The following NTM variants were observed in gnomAD, a reference collection of about 807,000 sequenced individuals.
NTM encodes neurotrimin.
NTM carries 13 observed loss-of-function variants against 42.1 expected under a neutral mutation model. The ratio of observed to expected loss-of-function variants is 0.31; its 90% CI spans 0.20 to 0.49. The LOEUF is 0.49. Ranked by LOEUF, NTM falls within the 20% of genes least tolerant of loss-of-function variation. The pLI is 0.99. For missense variants in NTM, 373 were observed against 452.8 expected (o/e 0.82, Z 1.60); for synonymous variants, 187 against 179.2 (o/e 1.04, Z -0.35).
intron 4 of NTM, among the ~76,000 whole-genome samples, chr11:132,242,734 A>C (rs1000417757): frequency 2.0e-5 from 3 of 152,178 alleles, no homozygotes; most frequent in African/African-American, 7.2e-5. Flanking sequence ...AGCTGTGCAA[A>C]CTAATTAGAC....
At chr11:131,911,327 A>G in intron 1 of NTM, 1 of 1,473,676 alleles carries the variant, frequency 6.8e-7, no homozygotes, top group East Asian at 2.5e-5. Flanking sequence ...GACTCGGAGG[A>G]GTCTGCGCGC....
chr11:132,315,681 T>C (rs958780088), intron 7 of NTM, among the ~76,000 whole-genome samples: 1 of 152,202 alleles, frequency 6.6e-6, no homozygotes, highest in Non-Finnish European at 1.5e-5. Context: ...CCCTCGGTGC[T>C]AGCGTATGTG....
intron 1 of NTM, among the ~76,000 whole-genome samples, chr11:131,563,579 CTT>C (rs71911433): frequency 2.6e-4 from 23 of 88,766 alleles, no homozygotes; most frequent in African/African-American, 4.1e-4. Context: ...GCTCCAGACA[CTT>C]TTTTTTTTTT....
chr11:131,950,525 ATCCT>A (rs1243252751), intron 2 of NTM, among the ~76,000 whole-genome samples: 1 of 151,902 alleles, frequency 6.6e-6, no homozygotes, highest in Non-Finnish European at 1.5e-5. Context: ...TTTCACCCTC[ATCCT>A]TCCTTTGCAC....
At chr11:132,041,878 A>G (rs189771750) in intron 2 of NTM, among the ~76,000 whole-genome samples, 1 of 152,334 alleles carries the variant, frequency 6.6e-6, no homozygotes, top group Admixed American at 6.5e-5. Flanking sequence ...TGGGGAGAAT[A>G]CCTGTCATAT....
chr11:132,069,017 G>A (rs1223917987), intron 2 of NTM, among the ~76,000 whole-genome samples: 2 of 152,228 alleles, frequency 1.3e-5, no homozygotes, highest in African/African-American at 4.8e-5. Flanking sequence ...GACTAACTGG[G>A]CATTGCAGCC....
chr11:131,719,876 T>C (rs1217444605), intron 1 of NTM, among the ~76,000 whole-genome samples: 1 of 152,132 alleles, frequency 6.6e-6, no homozygotes, highest in African/African-American at 2.4e-5. Flanking sequence ...TGGAGATAAT[T>C]GGAAATTACT....
rs138337115 is a variant in NTM, at chr11:131,952,516, T to A, written c.167+40868T>A. ...GCATTTTAATTTTTTATTTACACAC[T>A]CTCTCTCTCAGCTATCCCTTAGTGG... On this transcript the variant is annotated intron_variant, in intron 2 of 8. Transcript: ENST00000683400. 2.8e-4 allele frequency among the ~76,000 whole-genome samples: 43 copies of A among 152,238 alleles called. No individual in the cohort carries two copies. In the East Asian group the frequency reaches 7.5e-3, roughly 27 times the overall value.
intron 1 of NTM, among the ~76,000 whole-genome samples, chr11:131,845,070 G>A (rs908609007): frequency 6.6e-6 from 1 of 152,022 alleles, no homozygotes; most frequent in African/African-American, 2.4e-5. Flanking sequence ...CTATTAAATA[G>A]GAAATTTGCC....
At chr11:131,881,295 C>A (rs1168021088) in intron 1 of NTM, among the ~76,000 whole-genome samples, 1 of 152,154 alleles carries the variant, frequency 6.6e-6, no homozygotes, top group African/African-American at 2.4e-5. Flanking sequence ...CCTTACCACC[C>A]TCCTCTCAAC....
chr11:132,022,715 C>T (rs1378663490), intron 2 of NTM, among the ~76,000 whole-genome samples: 1 of 152,198 alleles, frequency 6.6e-6, no homozygotes, highest in Non-Finnish European at 1.5e-5. Context: ...AGCTTTATCC[C>T]TGAAGTTGTC....
At chr11:131,778,076 C>A (rs2087373809) in intron 1 of NTM, among the ~76,000 whole-genome samples, 1 of 152,188 alleles carries the variant, frequency 6.6e-6, no homozygotes, top group Non-Finnish European at 1.5e-5. Context: ...ACTGTCACAG[C>A]TCAGAAGTTT....
chr11:131,380,880 C>T (rs1290054384), intron 1 of NTM, among the ~76,000 whole-genome samples: 3 of 152,218 alleles, frequency 2.0e-5, no homozygotes, highest in Admixed American at 2.0e-4. Flanking sequence ...TCAGAACTTA[C>T]CCTTTCTATT....
intron 1 of NTM, among the ~76,000 whole-genome samples, chr11:131,547,987 G>A (rs963809719): frequency 1.8e-4 from 27 of 152,282 alleles, no homozygotes; most frequent in Admixed American, 4.6e-4. Flanking sequence ...AAGAAGAGCA[G>A]GAACTTGCAA....
intron 1 of NTM, among the ~76,000 whole-genome samples, chr11:131,373,924 C>T (rs892674715): frequency 1.3e-5 from 2 of 152,308 alleles, no homozygotes; most frequent in South Asian, 2.1e-4. Context: ...TCGCGCAGCA[C>T]CCGGGAGGTG....
chr11:132,236,951 G>T (rs1423993034), intron 4 of NTM, among the ~76,000 whole-genome samples: 1 of 152,262 alleles, frequency 6.6e-6, no homozygotes, highest in Non-Finnish European at 1.5e-5. Context: ...GAGACCAGGG[G>T]CCCAGATCCC....
At chr11:131,526,924 G>A (rs1189979512) in intron 1 of NTM, among the ~76,000 whole-genome samples, 3 of 152,194 alleles carry the variant, frequency 2.0e-5, no homozygotes, top group Non-Finnish European at 2.9e-5. Flanking sequence ...GATTTTTGAA[G>A]TATCATGAGG....
intron 2 of NTM, among the ~76,000 whole-genome samples, chr11:132,137,288 G>C (rs1378178575): frequency 1.3e-5 from 2 of 152,190 alleles, no homozygotes; most frequent in Non-Finnish European, 2.9e-5. Flanking sequence ...AGAGCCTGCA[G>C]ATGGATTTGT....
intron 1 of NTM, among the ~76,000 whole-genome samples, chr11:131,577,636 G>A (rs1227483567): frequency 1.3e-5 from 2 of 152,194 alleles, no homozygotes; most frequent in African/African-American, 4.8e-5. Flanking sequence ...CTAGAGTTGT[G>A]CCTGCTCTGT....
Sources: allele counts gnomAD v4.1 joint callset (sites outside exome capture counted in the v4.1 genomes callset), GRCh38; gene constraint gnomAD v4.1.1; transcripts MANE v1.5; gene names NCBI Gene and HGNC (gene_info 2026-07-23, HGNC 2026-07-21).